Variants in SAMD5 observed in about 807,000 individuals in gnomAD.
SAMD5 encodes the protein sterile alpha motif domain-containing protein 5.
Under a neutral mutation model 11.3 loss-of-function variants are expected in SAMD5, and 13 were observed. The observed-to-expected ratio is 1.15, with a 90% CI of 0.75 to 1.83. SAMD5 has a LOEUF of 1.83. Ranked by LOEUF, SAMD5 falls within the 40% of genes most tolerant of loss-of-function variation. SAMD5 has a pLI of 0.00. For missense variants in SAMD5, 255 were observed against 239.1 expected (o/e 1.07, Z -0.44); for synonymous variants, 129 against 111.3 (o/e 1.16, Z -1.00).
chr6:147,543,692 G>A (rs1365882354), intron 1 of SAMD5, among the ~76,000 whole-genome samples: 2 of 152,198 alleles, frequency 1.3e-5, no homozygotes, highest in South Asian at 4.1e-4. Flanking sequence ...ACAAATCTGT[G>A]AAATATTAAA....
chr6:147,670,641 C>T (rs1177055636), intron 1 of SAMD5, among the ~76,000 whole-genome samples: 1 of 152,198 alleles, frequency 6.6e-6, no homozygotes, highest in African/African-American at 2.4e-5. Flanking sequence ...ACTTCATGAA[C>T]CAACATTTCC....
intron 1 of SAMD5, among the ~76,000 whole-genome samples, chr6:147,687,339 G>T (rs1791032635): frequency 7.6e-6 from 1 of 130,848 alleles, no homozygotes; most frequent in Non-Finnish European, 1.5e-5. Flanking sequence ...CTGGAGTACA[G>T]TGATGTGATC....
At chr6:147,561,873 G>A (rs536283055) in intron 1 of SAMD5, among the ~76,000 whole-genome samples, 3 of 152,272 alleles carry the variant, frequency 2.0e-5, no homozygotes, top group East Asian at 3.9e-4. Context: ...AATCACTGAC[G>A]TTTCCTATGG....
chr6:147,889,840 G>A, the SAMD5 span, among the ~76,000 whole-genome samples: 7 of 152,142 alleles, frequency 4.6e-5, no homozygotes, highest in African/African-American at 1.4e-4. Flanking sequence ...CGTTGATCAG[G>A]ACTCCACTGC....
At chr6:147,625,221 C>T (rs1275257129) in intron 1 of SAMD5, among the ~76,000 whole-genome samples, 1 of 152,138 alleles carries the variant, frequency 6.6e-6, no homozygotes, top group Non-Finnish European at 1.5e-5. Flanking sequence ...TCAGTCTGCT[C>T]ATATTTAGTG....
chr6:147,616,213 C>CA (rs1562334314), intron 1 of SAMD5, among the ~76,000 whole-genome samples: 3 of 66,560 alleles, frequency 4.5e-5, no homozygotes, highest in Admixed American at 1.6e-4. Context: ...TTCATATATA[C>CA]TTCATATATA....
chr6:147,624,264 G>T (rs554767250), intron 1 of SAMD5, among the ~76,000 whole-genome samples: 1 of 152,062 alleles, frequency 6.6e-6, no homozygotes, highest in Non-Finnish European at 1.5e-5. Flanking sequence ...TCAGAAGGCC[G>T]AGCCCAGCTG....
chr6:147,892,279 T>C, the SAMD5 span, among the ~76,000 whole-genome samples: 297 of 152,334 alleles, frequency 1.9e-3, no homozygotes, highest in African/African-American at 6.7e-3. Flanking sequence ...TTCACAGCTA[T>C]ACCTCCTTCA....
chr6:147,510,855 A>G (rs1003226770), intron 1 of SAMD5, among the ~76,000 whole-genome samples: 1 of 152,236 alleles, frequency 6.6e-6, no homozygotes, highest in African/African-American at 2.4e-5. Context: ...GTGTGCTCAA[A>G]GCAGGAAAGG....
chr6:147,512,918 G>C (rs151006294), intron 1 of SAMD5, among the ~76,000 whole-genome samples: 2 of 152,202 alleles, frequency 1.3e-5, no homozygotes, highest in Admixed American at 6.5e-5. Flanking sequence ...ATCCAACCCA[G>C]TTTGCAGGGA....
Position 147,644,221 on chromosome 6 carries a change from A to G in SAMD5, c.163-93096A>G, listed in dbSNP as rs141552112. Among the ~76,000 whole-genome samples the G allele has an allele frequency of 6.6e-5, 10 of 152,296 alleles. No individual in the cohort carries two copies. In the East Asian group the frequency reaches 1.7e-3, roughly 26 times the overall value. The stretch of plus-strand genomic sequence containing the variant: ...AAACTGTTTTTAAAAAACAAAACAA[A>G]CAAAACCCAATCAGAGGAGGGAGGA... On this transcript the variant is annotated intron_variant, in intron 1 of 1. Coordinates refer to the SAMD5 transcript ENST00000566741.
At chr6:147,920,722 G>C in the SAMD5 span, among the ~76,000 whole-genome samples, 1 of 152,158 alleles carries the variant, frequency 6.6e-6, no homozygotes, top group Non-Finnish European at 1.5e-5. Context: ...GATAAGCAAA[G>C]AACACTTGGT....
At chr6:147,749,640 A>C in the SAMD5 span, among the ~76,000 whole-genome samples, 2 of 152,168 alleles carry the variant, frequency 1.3e-5, no homozygotes, top group Admixed American at 6.5e-5. Context: ...ACCGGGTTAG[A>C]GTGTATGATA....
At chr6:147,932,715 C>T in the SAMD5 span, among the ~76,000 whole-genome samples, 1 of 151,536 alleles carries the variant, frequency 6.6e-6, no homozygotes, top group South Asian at 2.1e-4. Flanking sequence ...ACCAGCTGAA[C>T]TTACAAATGG....
intron 1 of SAMD5, among the ~76,000 whole-genome samples, chr6:147,700,422 A>G (rs1459177191): frequency 2.6e-5 from 4 of 152,162 alleles, no homozygotes; most frequent in Non-Finnish European, 5.9e-5. Flanking sequence ...TTTCTTATCT[A>G]AGTCCCAGAG....
Position 147,737,213 on chromosome 6 carries a change from C to T in SAMD5, c.163-104C>T, listed in dbSNP as rs530512640. ...ATAATTGACAGCATGTCCCTCCCAT[C>T]CTCGGGAAGGGTGAGTTTTCAGTTC... On this transcript the variant is annotated intron_variant, in intron 1 of 1. Coordinates refer to the SAMD5 transcript ENST00000566741. 3.9e-4 allele frequency: 166 copies of T among 428,618 alleles called. 1 individual carries two copies. The South Asian group carries it at 4.4e-3, about 11-fold the overall frequency. The allele number at this position is 428,618 out of a possible 1,614,324, so 26.6% of individuals were successfully genotyped here.
At chr6:147,887,194 C>A in the SAMD5 span, among the ~76,000 whole-genome samples, 3 of 152,186 alleles carry the variant, frequency 2.0e-5, no homozygotes, top group African/African-American at 7.2e-5. Context: ...CATTGACATA[C>A]AATGAACTGT....
intron 1 of SAMD5, among the ~76,000 whole-genome samples, chr6:147,536,626 C>T (rs1222348116): frequency 6.6e-6 from 1 of 151,670 alleles, no homozygotes; most frequent in Non-Finnish European, 1.5e-5. Context: ...TTGAAAAGGA[C>T]CAAAGCAAGA....
At chr6:147,594,292 T>C (rs950362134) in intron 1 of SAMD5, among the ~76,000 whole-genome samples, 1 of 152,218 alleles carries the variant, frequency 6.6e-6, no homozygotes, top group Non-Finnish European at 1.5e-5. Flanking sequence ...CTTGCTAAGA[T>C]GCGATCAGAG....
Sources: gnomAD v4.1 joint callset for allele counts (sites outside exome capture counted in the v4.1 genomes callset) on GRCh38, gnomAD v4.1.1 for gene constraint, MANE v1.5 for transcripts, NCBI Gene and HGNC (gene_info 2026-07-23, HGNC 2026-07-21) for gene names.